The following SLC25A24 variants were observed in gnomAD, a reference collection of about 807,000 sequenced individuals.
SLC25A24 encodes solute carrier family 25 member 24, also known as mitochondrial adenyl nucleotide antiporter SLC25A24.
A neutral mutation model predicts 60.7 loss-of-function variants in SLC25A24; 49 were observed. The ratio of observed to expected loss-of-function variants is 0.81; its 90% CI spans 0.64 to 1.02. The LOEUF (loss-of-function observed/expected upper bound fraction) is 1.02, where lower values mean the gene tolerates loss of function less well. SLC25A24 is among the 50% of genes least tolerant of loss of function. The probability of loss-of-function intolerance (pLI) is 0.00; values close to 1 mark genes in which losing one functional copy is unlikely to be tolerated. For missense variants in SLC25A24, 564 were observed against 586.3 expected, an observed-to-expected ratio of 0.96 and a Z score of 0.39; for synonymous variants, 202 against 200.6, an observed-to-expected ratio of 1.01 and a Z score of -0.06.
intron 1 of SLC25A24, among the ~76,000 whole-genome samples, chr1:108,190,600 AAAAAC>A (rs908691020): frequency 2.6e-5 from 4 of 152,204 alleles, no homozygotes; most frequent in African/African-American, 7.2e-5. Flanking sequence ...TTTCACAGGA[AAAAAC>A]AAAACAATAT....
chr1:108,165,922 C>T (rs375471515), intron 3 of SLC25A24, among the ~76,000 whole-genome samples: 8 of 152,120 alleles, frequency 5.3e-5, no homozygotes, highest in South Asian at 4.1e-4. Flanking sequence ...GATTTTGCAG[C>T]GGCTGGTACT....
At chr1:108,140,343 C>A (rs1221122554) in intron 8 of SLC25A24, among the ~76,000 whole-genome samples, 1 of 151,920 alleles carries the variant, frequency 6.6e-6, no homozygotes, top group African/African-American at 2.4e-5. Flanking sequence ...CTGTCCCTGA[C>A]AAACAAAAGC....
At chr1:108,163,858 C>T (rs1044771960) in intron 3 of SLC25A24, among the ~76,000 whole-genome samples, 1 of 152,190 alleles carries the variant, frequency 6.6e-6, no homozygotes, top group Non-Finnish European at 1.5e-5. Flanking sequence ...GAGGGCATCC[C>T]TGTCTTGTGC....
intron 2 of SLC25A24, 48 bp downstream of exon 2, chr1:108,185,780 G>A (rs1000658460): frequency 9.7e-6 from 14 of 1,449,532 alleles, no homozygotes; most frequent in Non-Finnish European, 1.3e-5. Flanking sequence ...TTGAAAGCAT[G>A]ATAAATGCTT....
rs1445347892 is a variant in SLC25A24 at position 108,157,612 on chromosome 1, G to A, written c.519C>T (p.Asp173=). ...IRFWKHSTGI[D]IGDSLTIPDE... ...CTGGAATAGTTAAGCTATCCCCTAT[G>A]TCAATTCCCTGTAAAAATGAAAAAA... is the stretch of plus-strand genomic sequence containing the variant. Residue 173 remains aspartate (D), a synonymous_variant, in exon 5 of 10, where the codon GAC becomes GAT. Transcript: ENST00000565488. 6.2e-7 allele frequency: 1 copy of A among 1,611,218 alleles called. No homozygotes were observed. The highest frequency in any genetic ancestry group is 8.5e-7 in the Non-Finnish European group (1 of 1,178,126).
chr1:108,152,937 G>A (rs1486912764), intron 6 of SLC25A24, among the ~76,000 whole-genome samples: 1 of 152,216 alleles, frequency 6.6e-6, no homozygotes, highest in Non-Finnish European at 1.5e-5. Context: ...ATGACATATA[G>A]AAAGAGGAAG....
At chr1:108,162,793 G>C (rs1363706963) in intron 3 of SLC25A24, among the ~76,000 whole-genome samples, 1 of 151,122 alleles carries the variant, frequency 6.6e-6, no homozygotes, top group African/African-American at 2.4e-5. Context: ...AAGCTCTTTA[G>C]TTTAATTAGA....
At chr1:108,162,740 A>C (rs1680124386) in intron 3 of SLC25A24, among the ~76,000 whole-genome samples, 1 of 151,856 alleles carries the variant, frequency 6.6e-6, no homozygotes, top group African/African-American at 2.4e-5. Context: ...CCCATTTTGG[A>C]GGTTGCCTGT....
At chr1:108,165,426 T>TAATTATTAAG (rs1680221282) in intron 3 of SLC25A24, among the ~76,000 whole-genome samples, 2 of 48,294 alleles carry the variant, frequency 4.1e-5, no homozygotes, top group Non-Finnish European at 1.0e-4. Flanking sequence ...GTGTGGGAGT[T>TAATTATTAAG]TAAGTCTCTT....
rs111709323 is a variant in SLC25A24 at position 108,169,239 on chromosome 1, G to A, written c.399-7946C>T. ...ATAACAACCCTTGGTATCTGATAGG[G>A]CAGGCCCCTGGCTCCTTACAGTTCT... On this transcript the variant is annotated intron_variant, in intron 3 of 9. Transcript: ENST00000565488. Among the ~76,000 whole-genome samples the A allele has an allele frequency of 5.5e-3, 832 of 152,244 alleles. 6 individuals are homozygous for A. Among genetic ancestry groups the A allele is most frequent in the African/African-American group, 0.02 (814 of 41,544 alleles).
At chr1:108,159,468 T>G (rs1571289134) in intron 4 of SLC25A24, among the ~76,000 whole-genome samples, 6 of 151,114 alleles carry the variant, frequency 4.0e-5, no homozygotes, top group Middle Eastern at 3.4e-3. Flanking sequence ...TGGGTTGTTT[T>G]TTTTTTTTTT....
At chr1:108,197,683 A>G (rs931514251) in intron 1 of SLC25A24, among the ~76,000 whole-genome samples, 3 of 152,206 alleles carry the variant, frequency 2.0e-5, no homozygotes, top group Non-Finnish European at 4.4e-5. Context: ...TCTCTGGAGG[A>G]GGGTAGCATT....
chr1:108,152,521 TA>T (rs2101608870), intron 6 of SLC25A24, among the ~76,000 whole-genome samples: 1 of 152,204 alleles, frequency 6.6e-6, no homozygotes, highest in South Asian at 2.1e-4. Context: ...CACGCCCAAC[TA>T]ATTTTTATAT....
chr1:108,147,069 T>C (rs1400316649), intron 7 of SLC25A24, among the ~76,000 whole-genome samples: 2 of 152,214 alleles, frequency 1.3e-5, no homozygotes, highest in Admixed American at 1.3e-4. Context: ...TGGTAGGCTA[T>C]TAATTACTGC....
At position 108,136,609 on chromosome 1, in the gene SLC25A24, T is replaced by C. The variant is rs749830114; in HGVS notation, c.*44A>G. ...CGAGGAGAAAAAGTCACTCCAGAGA[T>C]TGTTGAAAGTTTCAATTATCAGGCT... On this transcript the variant is annotated 3_prime_UTR_variant, in exon 10 of 10. Coordinates refer to ENST00000565488, the MANE Select transcript of SLC25A24 (RefSeq NM_013386.5). 11 of 1,519,388 alleles carry C rather than the reference T, an allele frequency of 7.2e-6. No homozygotes were observed. Among genetic ancestry groups the C allele is most frequent in the South Asian group, 4.6e-5 (4 of 86,896 alleles). The allele number at this position is 1,519,388 out of a possible 1,614,324, so 94.1% of individuals were successfully genotyped here.
intron 6 of SLC25A24, 110 bp from the exon 7 acceptor site, chr1:108,148,496 A>G: frequency 2.9e-6 from 2 of 689,518 alleles, no homozygotes; most frequent in Non-Finnish European, 5.2e-6. Flanking sequence ...GTATTAGGAG[A>G]TGAGGCTTCT....
At chr1:108,145,092 G>A (rs1164596323) in intron 7 of SLC25A24, among the ~76,000 whole-genome samples, 1 of 152,124 alleles carries the variant, frequency 6.6e-6, no homozygotes, top group Non-Finnish European at 1.5e-5. Flanking sequence ...GCCAGCATCT[G>A]TTGTTTCCTG....
intron 3 of SLC25A24, among the ~76,000 whole-genome samples, chr1:108,178,715 G>A (rs1244294160): frequency 1.3e-5 from 2 of 152,096 alleles, no homozygotes; most frequent in Non-Finnish European, 2.9e-5. Context: ...TCGGGAGGCT[G>A]AGGCAGGAGA....
intron 6 of SLC25A24, among the ~76,000 whole-genome samples, chr1:108,150,665 A>AT (rs1679731812): frequency 6.6e-6 from 1 of 151,972 alleles, no homozygotes; most frequent in African/African-American, 2.4e-5. Flanking sequence ...CTACTCACAT[A>AT]TTTTTTCTTC....
Sources: gnomAD v4.1 joint callset for allele counts (sites outside exome capture counted in the v4.1 genomes callset) on GRCh38, gnomAD v4.1.1 for gene constraint, MANE v1.5 for transcripts, NCBI Gene and HGNC (gene_info 2026-07-23, HGNC 2026-07-21) for gene names.